KRI1: variants seen among roughly 807,000 people sequenced by gnomAD.
The protein encoded by KRI1 is KRI1 homolog.
Under a neutral mutation model 97.0 loss-of-function variants are expected in KRI1, and 83 were observed. The ratio of observed to expected loss-of-function variants is 0.86; its 90% CI spans 0.72 to 1.03. The LOEUF (loss-of-function observed/expected upper bound fraction) is 1.03. Among genes scored for constraint, KRI1 ranks in the 50% least tolerant of loss-of-function variants. The probability of loss-of-function intolerance (pLI) is 0.00; values close to 1 mark genes in which losing one functional copy is unlikely to be tolerated. For missense variants in KRI1, 916 were observed against 928.4 expected (o/e 0.99, Z 0.17); for synonymous variants, 371 against 363.5 (o/e 1.02, Z -0.23).
At chr19:10,565,158 C>G (rs115844336) in intron 2 of KRI1, 124 bp from the exon 3 acceptor site, 1 of 704,632 alleles carries the variant, frequency 1.4e-6, no homozygotes, top group Non-Finnish European at 2.5e-6. Flanking sequence ...GGAGGTCAAA[C>G]AGGTGGTCAA....
chr19:10,560,421 G>A lies in KRI1; in HGVS notation c.691C>T (p.Pro231Ser). 1 of 1,613,450 alleles carries A rather than the reference G, an allele frequency of 6.2e-7. No individual in the cohort carries two copies. The highest frequency in any genetic ancestry group is 8.5e-7 in the Non-Finnish European group (1 of 1,179,668). Residue 231 changes from proline to serine, a missense_variant, in exon 9 of 19, where the codon CCT becomes TCT. Physicochemically the swap from Pro to Ser is moderately conservative, Grantham distance 74. Coordinates refer to ENST00000312962, the MANE Select transcript of KRI1 (RefSeq NM_023008.5). ...LTHLKEYWND[P>S]ELDEGERFLR... ...AACCGCTCCCCTTCATCCAACTCAG[G>A]GTCGTTCCAGTATTCCTTGAGATGC... is the stretch of plus-strand genomic sequence containing the variant.
intron 6 of KRI1, 94 bp downstream of exon 6, chr19:10,561,573 T>C (rs1179618088): frequency 1.8e-5 from 22 of 1,214,222 alleles, no homozygotes; most frequent in Non-Finnish European, 2.6e-5. Context: ...CTGAAGCACA[T>C]AGAAAGTGAC....
rs753016551 is a variant in KRI1, at chr19:10,559,382, C to T, written c.1171G>A (p.Ala391Thr). The T allele has an allele frequency of 2.5e-6, 4 of 1,613,986 alleles. No individual in the cohort carries two copies. The East Asian group carries it at 6.7e-5, about 27-fold the overall frequency. Residue 391 changes from alanine (A) to threonine (T), a missense_variant, in exon 12 of 19, where the codon GCC becomes ACC. Ala to Thr is a moderately conservative substitution (Grantham distance 58). This residue lies in a region of KRI1 where 672 missense variants were observed against 667.2 expected (regional missense o/e 1.01). Transcript: ENST00000312962. The stretch of plus-strand genomic sequence containing the variant: ...ACCTGCATGAGCTGGTCGTGCTGGG[C>T]AGGGTCGAAGTCGTCTTCAAGGTCC... ...EGDLEDDFDP[A>T]QHDQLMQKCF...
In KRI1 at chr19:10,553,682, C is replaced by T. The variant is rs561700562; in HGVS notation, c.*269G>A. On this transcript the variant is annotated 3_prime_UTR_variant, in exon 19 of 19. Coordinates refer to ENST00000312962, the MANE Select transcript of KRI1 (RefSeq NM_023008.5). ...CCTCAAACTCATGGCCTTAAGTGATCTTCCTTCCCCAGCCTCCTGAGTAGC... is the reference window on the plus strand; with the variant it reads ...CCTCAAACTCATGGCCTTAAGTGATTTTCCTTCCCCAGCCTCCTGAGTAGC... 1.2e-4 allele frequency: 47 copies of T among 381,982 alleles called. No homozygotes were observed. Among genetic ancestry groups the T allele is most frequent in the African/African-American group, 8.8e-4 (42 of 47,850 alleles). The allele number at this position is 381,982 out of a possible 1,614,324, so 23.7% of individuals were successfully genotyped here.
chr19:10,554,303 T>C (rs1197537226), intron 18 of KRI1, 22 bp from the exon 19 acceptor site: 1 of 1,598,656 alleles, frequency 6.3e-7, no homozygotes, highest in South Asian at 1.1e-5. Flanking sequence ...AAGTCAGGGC[T>C]CAGCCCAGGC....
In KRI1 at chr19:10,553,100, T is replaced by C. The variant is rs763156339; in HGVS notation, c.*851A>G. On this transcript the variant is annotated 3_prime_UTR_variant, in exon 19 of 19. Coordinates refer to ENST00000312962, the MANE Select transcript of KRI1 (RefSeq NM_023008.5). ...GGATGAGGGGAAAGATACAACACTA[T>C]TTATTTTTTTATTTATGTCATGTCG... 6.5e-7 allele frequency: 1 copy of C among 1,548,940 alleles called. No individual in the cohort carries two copies. The highest frequency in any genetic ancestry group is 8.7e-7 in the Non-Finnish European group (1 of 1,148,698).
At chr19:10,564,392 G>A (rs1452258377) in intron 3 of KRI1, among the ~76,000 whole-genome samples, 2 of 151,968 alleles carry the variant, frequency 1.3e-5, no homozygotes, top group Admixed American at 6.6e-5. Context: ...CCTGGGAGAC[G>A]GAGGTTGCAG....
intron 15 of KRI1, 42 bp downstream of exon 15, chr19:10,557,727 G>A (rs367797441): frequency 5.1e-5 from 82 of 1,614,028 alleles, no homozygotes; most frequent in South Asian, 4.5e-4. Flanking sequence ...CAGGCCCCGC[G>A]GTGCCCCCTG....
intron 12 of KRI1, 51 bp downstream of exon 12, chr19:10,559,308 G>A (rs10402515): frequency 6.3e-7 from 1 of 1,584,622 alleles, no homozygotes; most frequent in African/African-American, 1.3e-5. Flanking sequence ...GCCAGTGAGA[G>A]CCATGTTTGT....
intron 2 of KRI1, 196 bp downstream of exon 2, chr19:10,565,521 A>C: frequency 1.5e-6 from 1 of 645,492 alleles, no homozygotes. Context: ...GTGGCAGGGG[A>C]GAGAAAATAA....
rs1916627557 is a variant in KRI1, at chr19:10,559,608, C to A, written c.1023+5G>T. ...GGTCCTCCCCAGCTCACCCCCCACA[C>A]TCACCCTCTTCTTTCGCTCCCGAGT... On this transcript the variant is annotated splice_donor_5th_base_variant and intron_variant, in intron 11 of 18. Transcript: ENST00000312962. 6.2e-7 allele frequency: 1 copy of A among 1,614,034 alleles called. No individual in the cohort carries two copies. The highest frequency in any genetic ancestry group is 8.5e-7 in the Non-Finnish European group (1 of 1,180,020).
chr19:10,563,487 G>A (rs564207676), intron 3 of KRI1, among the ~76,000 whole-genome samples: 1 of 151,252 alleles, frequency 6.6e-6, no homozygotes, highest in Non-Finnish European at 1.5e-5. Context: ...CTGGGATTAC[G>A]GGTGTGCACC....
intron 3 of KRI1, among the ~76,000 whole-genome samples, chr19:10,563,064 A>T (rs570768993): frequency 3.3e-5 from 5 of 150,462 alleles, no homozygotes; most frequent in East Asian, 1.9e-4. Flanking sequence ...TTATTTACTT[A>T]TTTTTTTTTG....
intron 12 of KRI1, 125 bp from the exon 13 acceptor site, chr19:10,558,364 T>A: frequency 1.3e-6 from 1 of 792,230 alleles, no homozygotes; most frequent in Non-Finnish European, 2.1e-6. Context: ...CCTACAGCCC[T>A]CCCAGCACCT....
At position 10,561,785 on chromosome 19, in the gene KRI1, A is replaced by C. The variant is rs1916710032; in HGVS notation, c.438+6T>G. 2 of 1,611,952 alleles carry C rather than the reference A, an allele frequency of 1.2e-6. No homozygotes were observed. The highest frequency in any genetic ancestry group is 1.1e-5 in the South Asian group (1 of 90,976). On this transcript the variant is annotated splice_donor_region_variant and intron_variant, in intron 5 of 18. Transcript: ENST00000312962. ...AGCCCCCCGACCCAGCCTTCACCCC[A>C]CCCACCTGGAGTCTGTGATTGGAAG... is the stretch of plus-strand genomic sequence containing the variant.
Position 10,557,641 on chromosome 19 carries a change from G to A in KRI1, c.1528C>T (p.Leu510=). ...TCGTCGATGATGTCCTCGTAGTCCA[G>A]CCGGTAATACTCATCCAGGTACTCC... ...FEEYLDEYYR[L]DYEDIIDDLP... Residue 510 remains leucine (L), a synonymous_variant, in exon 16 of 19, where the codon CTG becomes TTG. Coordinates refer to ENST00000312962, the MANE Select transcript of KRI1 (RefSeq NM_023008.5). The A allele has an allele frequency of 1.2e-6, 2 of 1,614,192 alleles. No individual in the cohort carries two copies. The highest frequency in any genetic ancestry group is 1.7e-6 in the Non-Finnish European group (2 of 1,180,034).
intron 3 of KRI1, 115 bp from the exon 4 acceptor site, chr19:10,562,952 A>C: frequency 1.4e-6 from 1 of 693,104 alleles, no homozygotes; most frequent in South Asian, 1.7e-5. Context: ...CAAATCCACC[A>C]ATTCCCAGCT....
At chr19:10,555,548 A>T (rs1213483763) in intron 16 of KRI1, among the ~76,000 whole-genome samples, 199 bp from the exon 17 acceptor site, 1 of 152,228 alleles carries the variant, frequency 6.6e-6, no homozygotes, top group Non-Finnish European at 1.5e-5. Context: ...AGGCTCAGAG[A>T]ACGGATCCTT....
At chr19:10,561,597 A>C in intron 6 of KRI1, 70 bp downstream of exon 6, 1 of 1,447,910 alleles carries the variant, frequency 6.9e-7, no homozygotes, top group Non-Finnish European at 9.7e-7. Flanking sequence ...GCTCAATTTG[A>C]ACCCGTGCCT....
Sources: allele counts gnomAD v4.1 joint callset (sites outside exome capture counted in the v4.1 genomes callset), GRCh38; gene constraint gnomAD v4.1.1; regional missense constraint gnomAD v4.1.1; transcripts MANE v1.5; gene names NCBI Gene and HGNC (gene_info 2026-07-23, HGNC 2026-07-21).